Variants in CALHM2 observed in about 807,000 individuals in gnomAD.
CALHM2 encodes the protein calcium homeostasis modulator family member 2.
A neutral mutation model predicts 20.4 loss-of-function variants in CALHM2; 18 were observed. That is an observed-to-expected ratio of 0.88 (90% CI 0.61 to 1.31). CALHM2 has a LOEUF of 1.31. Among genes scored for constraint, CALHM2 ranks in the 50% most tolerant of loss-of-function variants. The probability of loss-of-function intolerance (pLI) is 0.00; values close to 1 mark genes in which losing one functional copy is unlikely to be tolerated. For synonymous variants in CALHM2, 193 were observed against 192.1 expected (o/e 1.00, Z -0.04); for missense variants, 411 against 435.7 (o/e 0.94, Z 0.50).
intron 3 of CALHM2, among the ~76,000 whole-genome samples, chr10:103,448,720 CAAAAAAAAA>C (rs542997668): frequency 4.7e-5 from 6 of 127,486 alleles, no homozygotes; most frequent in Non-Finnish European, 1.0e-4. Context: ...GACTCTGTCT[CAAAAAAAAA>C]AAAAGAAAAA....
At position 103,447,552 on chromosome 10, in the gene CALHM2, A is replaced by G; in HGVS notation, c.572T>C (p.Leu191Pro). The change falls in exon 4 of 4, where the codon CTC becomes CCC. Residue 191 changes from leucine to proline, a missense_variant. Physicochemically the swap from Leu to Pro is moderately conservative, Grantham distance 98 (BLOSUM62 -3). Coordinates refer to ENST00000260743, the MANE Select transcript of CALHM2 (RefSeq NM_015916.5). The part of the protein sequence containing the change: ...RYESQLFGWL[L>P]IGVVAILVFL... The stretch of plus-strand genomic sequence containing the variant: ...CACCAGGATGGCCACCACGCCGATG[A>G]GCAGCCATCCAAAGAGCTGGCCAGA... 1 of 1,596,012 alleles carries G rather than the reference A, an allele frequency of 6.3e-7. No homozygotes were observed. Among genetic ancestry groups the G allele is most frequent in the Non-Finnish European group, 8.6e-7 (1 of 1,168,618 alleles).
chr10:103,451,088 C>T lies in CALHM2; in HGVS notation c.-164G>A, dbSNP rs2032955618. 1 of 152,286 alleles carries T rather than the reference C, an allele frequency of 6.6e-6. No individual in the cohort carries two copies. Among genetic ancestry groups the T allele is most frequent in the South Asian group, 2.1e-4 (1 of 4,820 alleles). The allele number at this position is 152,286 out of a possible 1,614,324, so 9.4% of individuals were successfully genotyped here. A position where few individuals can be genotyped will look rare whatever the true frequency, so the allele number is the denominator to read the frequency against. On this transcript the variant is annotated 5_prime_UTR_variant, in exon 2 of 4. Coordinates refer to ENST00000260743, the MANE Select transcript of CALHM2 (RefSeq NM_015916.5). ...TTTTTCTGTCTCCTACTGACCTTGC[C>T]GTGTCCATCCACGGGTGTCCCGAAG...
In CALHM2 at chr10:103,446,861, C is replaced by G; in HGVS notation, c.*291G>C. On this transcript the variant is annotated 3_prime_UTR_variant, in exon 4 of 4. Coordinates refer to ENST00000260743, the MANE Select transcript of CALHM2 (RefSeq NM_015916.5). Reference sequence around the variant, plus strand: ...CCAGAGGCTGCACTGGAGGCCACTTCCCAGTGGTGCACTGCTGCGCTGGGT... The same window carrying G: ...CCAGAGGCTGCACTGGAGGCCACTTGCCAGTGGTGCACTGCTGCGCTGGGT... The G allele has an allele frequency of 3.0e-6, 1 of 335,718 alleles. No homozygotes were observed. The highest frequency in any genetic ancestry group is 5.3e-6 in the Non-Finnish European group (1 of 186,924). 20.8% of individuals were successfully genotyped at this position (335,718 alleles called of 1,614,324 possible). A position where few individuals can be genotyped will look rare whatever the true frequency, so the allele number is the denominator to read the frequency against.
chr10:103,450,267 TC>T (rs1471052324), intron 2 of CALHM2, 168 bp from the exon 3 acceptor site: 3 of 354,386 alleles, frequency 8.5e-6, no homozygotes, highest in Non-Finnish European at 1.6e-5. Flanking sequence ...TCATTTCCCA[TC>T]CTCACAGTCC....
rs367866594 is a variant in CALHM2, at chr10:103,449,635, G to C, written c.307C>G (p.Leu103Val). The C allele has an allele frequency of 4.3e-6, 7 of 1,613,924 alleles. No individual in the cohort carries two copies. Among genetic ancestry groups the C allele is most frequent in the Non-Finnish European group, 5.9e-6 (7 of 1,180,040 alleles). ...GCCGCACGTCCCAGGATGGAGCTTA[G>C]AAGGAGGAAGGTGGGGGCGGCGGAG... Reference protein sequence around the residue: ...NCSAAPTFLLLSSILGRAAVA... With the variant: ...NCSAAPTFLLVSSILGRAAVA... Residue 103 changes from leucine to valine, a missense_variant, in exon 3 of 4, where the codon CTA becomes GTA. By Grantham distance (32) the Leu-to-Val change is conservative. Coordinates refer to ENST00000260743, the MANE Select transcript of CALHM2 (RefSeq NM_015916.5).
In CALHM2 at chr10:103,450,048, G is replaced by A. The variant is rs1592152490; in HGVS notation, c.-107C>T. The stretch of plus-strand genomic sequence containing the variant: ...GGCACAGGCTGGGAGGCGCTGGACG[G>A]CAGGGTGTGGTTGTGCTATTTTATC... On this transcript the variant is annotated 5_prime_UTR_variant, in exon 3 of 4. Transcript: ENST00000260743. 2.3e-5 allele frequency: 23 copies of A among 1,015,638 alleles called. 1 individual carries two copies. In the East Asian group the frequency reaches 5.6e-4, roughly 25 times the overall value. 62.9% of individuals were successfully genotyped at this position (1,015,638 alleles called of 1,614,324 possible).
intron 3 of CALHM2, among the ~76,000 whole-genome samples, chr10:103,448,592 G>A (rs537432021): frequency 3.3e-5 from 5 of 151,772 alleles, no homozygotes; most frequent in African/African-American, 7.2e-5. Context: ...TGGTGGCTGC[G>A]TGCCTGTAAT....
intron 3 of CALHM2, 128 bp from the exon 4 acceptor site, chr10:103,447,696 C>T (rs920921207): frequency 5.1e-5 from 39 of 767,294 alleles, no homozygotes; most frequent in Non-Finnish European, 6.8e-5. Context: ...GTGATTCCAT[C>T]GTTTCCTTAC....
At position 103,447,405 on chromosome 10, in the gene CALHM2, CGA is replaced by C; in HGVS notation, c.717_718del (p.Arg240GlyfsTer20). 1.2e-6 allele frequency: 2 copies of C among 1,614,142 alleles called. No homozygotes were observed. The highest frequency in any genetic ancestry group is 1.7e-6 in the Non-Finnish European group (2 of 1,179,982). ...GCGCACATTGTTGGCAGCGAGCACC[CGA>C]GAGTGCACCTCGGCCGTGCGCTGGA... On this transcript the variant is annotated frameshift_variant, in exon 4 of 4. Coordinates refer to ENST00000260743, the MANE Select transcript of CALHM2 (RefSeq NM_015916.5). LOFTEE classifies it high-confidence loss of function.
rs1316782221 is a variant in CALHM2, at chr10:103,447,313, C to T, written c.811G>A (p.Gly271Ser). The change falls in exon 4 of 4, where the codon GGC becomes AGC. Residue 271 changes from glycine (G) to serine (S), a missense_variant. Gly to Ser is a moderately conservative substitution (Grantham distance 56). Transcript: ENST00000260743. ...TTCCACTGTGGCCGTGGCTGCGTGC[C>T]TTCCACTGGGAAGTTGGCAATCAGT... ...EELIANFPVE[G>S]TQPRPQWNAI... The T allele has an allele frequency of 8.7e-6, 14 of 1,614,132 alleles. No individual in the cohort carries two copies. Among genetic ancestry groups the T allele is most frequent in the East Asian group, 2.2e-5 (1 of 44,900 alleles).
At position 103,449,446 on chromosome 10, in the gene CALHM2, G is replaced by T; in HGVS notation, c.496C>A (p.Pro166Thr). Reference sequence around the variant, plus strand: ...TCCCGGAAGTCTGACAGGTTGTCAGGGTTCTCCTTGCAGGGGAACCTGGCC... The same window carrying T: ...TCCCGGAAGTCTGACAGGTTGTCAGTGTTCTCCTTGCAGGGGAACCTGGCC... ...ILARFPCKEN[P>T]DNLSDFREEV... Residue 166 changes from proline to threonine, a missense_variant, in exon 3 of 4, where the codon CCT becomes ACT. By Grantham distance (38) the Pro-to-Thr change is conservative (BLOSUM62 -1). Transcript: ENST00000260743. 6.2e-7 allele frequency: 1 copy of T among 1,613,298 alleles called. No individual in the cohort carries two copies. Among genetic ancestry groups the T allele is most frequent in the South Asian group, 1.1e-5 (1 of 91,082 alleles).
At chr10:103,449,328 C>T (rs774873672) in intron 3 of CALHM2, 59 bp downstream of exon 3, 2 of 1,487,470 alleles carry the variant, frequency 1.3e-6, no homozygotes, top group South Asian at 1.1e-5. Flanking sequence ...TAGGCCATCC[C>T]CGGACCTCTC....
intron 3 of CALHM2, 93 bp from the exon 4 acceptor site, chr10:103,447,661 G>A (rs2032727359): frequency 9.1e-7 from 1 of 1,101,098 alleles, no homozygotes; most frequent in Non-Finnish European, 1.3e-6. Context: ...TTCTGCTTGG[G>A]TAAGAGAAGC....
rs2032666786 is a variant in CALHM2, at chr10:103,447,088, C to T, written c.*64G>A. 1.4e-6 allele frequency: 2 copies of T among 1,453,082 alleles called. No homozygotes were observed. The highest frequency in any genetic ancestry group is 1.9e-6 in the Non-Finnish European group (2 of 1,072,712). The allele number at this position is 1,453,082 out of a possible 1,614,324, so 90.0% of individuals were successfully genotyped here. A position where few individuals can be genotyped will look rare whatever the true frequency, so the allele number is the denominator to read the frequency against. ...AATCCCCTTCTGATATGGATGTGAG[C>T]AAGCAGTGGGGTTCAGTTTGGGACC... On this transcript the variant is annotated 3_prime_UTR_variant, in exon 4 of 4. Transcript: ENST00000260743.
rs2032853178 is a variant in CALHM2, at chr10:103,449,499, A to T, written c.443T>A (p.Phe148Tyr). The change falls in exon 3 of 4, where the codon TTC (phenylalanine) becomes TAC (tyrosine). Residue 148 changes from phenylalanine to tyrosine, a missense_variant. Phe to Tyr is a conservative substitution (Grantham distance 22, BLOSUM62 3). Coordinates refer to ENST00000260743, the MANE Select transcript of CALHM2 (RefSeq NM_015916.5). ...PSSLTAREEH[F>Y]PSAHATEILA... ...GATTTCAGTGGCGTGGGCTGATGGG[A>T]AGTGCTCTTCCCTGGCCGTGAGTGA... 6.8e-6 allele frequency: 11 copies of T among 1,613,492 alleles called. No individual in the cohort carries two copies. Among genetic ancestry groups the T allele is most frequent in the Non-Finnish European group, 9.3e-6 (11 of 1,180,010 alleles).
intron 3 of CALHM2, 33 bp from the exon 4 acceptor site, chr10:103,447,601 C>T (rs372363738): frequency 5.9e-6 from 9 of 1,530,338 alleles, no homozygotes; most frequent in African/African-American, 5.5e-5. Context: ...TCAGGAGGGG[C>T]GAGGAACTGC....
At position 103,452,180 on chromosome 10, in the gene CALHM2, G is replaced by C. The variant is rs763460250; in HGVS notation, c.-386C>G. 1 of 152,400 alleles carries C rather than the reference G, an allele frequency of 6.6e-6. No individual in the cohort carries two copies. The highest frequency in any genetic ancestry group is 1.5e-5 in the Non-Finnish European group (1 of 68,170). The allele number at this position is 152,400 out of a possible 1,614,324, so 9.4% of individuals were successfully genotyped here. On this transcript the variant is annotated 5_prime_UTR_variant, in exon 1 of 4. Transcript: ENST00000260743. The stretch of plus-strand genomic sequence containing the variant: ...CCTGGGGCCAGCTGTGGGCACTTGT[G>C]GCCATGGCCTCCTCGGGGCCGGACT...
At chr10:103,451,721 C>A (rs2133813095) in intron 1 of CALHM2, 1 of 153,630 alleles carries the variant, frequency 6.5e-6, no homozygotes, top group Admixed American at 6.5e-5. Context: ...TCCAGCCTAA[C>A]TTCCTGGGAA....
In CALHM2 at chr10:103,447,274, C is replaced by T. The variant is rs775920753; in HGVS notation, c.850G>A (p.Val284Ile). 44 of 1,614,132 alleles carry T rather than the reference C, an allele frequency of 2.7e-5. No individual in the cohort carries two copies. The highest frequency in any genetic ancestry group is 3.3e-4 in the Middle Eastern group (2 of 6,084). Residue 284 changes from valine (V) to isoleucine (I), a missense_variant, in exon 4 of 4, where the codon GTC (valine) becomes ATC (isoleucine). Coordinates refer to ENST00000260743, the MANE Select transcript of CALHM2 (RefSeq NM_015916.5). ...CCCTGGTTCTCACGGTACAAGTAGACGCCGGTGATGGCATTCCACTGTGGC... is the reference window on the plus strand; with the variant it reads ...CCCTGGTTCTCACGGTACAAGTAGATGCCGGTGATGGCATTCCACTGTGGC... Reference protein sequence around the residue: ...PRPQWNAITGVYLYRENQGLP... With the variant: ...PRPQWNAITGIYLYRENQGLP...
Sources: gnomAD v4.1 joint callset for allele counts (sites outside exome capture counted in the v4.1 genomes callset) on GRCh38, gnomAD v4.1.1 for gene constraint, MANE v1.5 for transcripts, NCBI Gene and HGNC (gene_info 2026-07-23, HGNC 2026-07-21) for gene names.